Variants in GLRA3 observed in about 807,000 individuals in gnomAD.
The protein encoded by GLRA3 is glycine receptor subunit alpha-3.
Under a neutral mutation model 60.4 loss-of-function variants are expected in GLRA3, and 44 were observed. The ratio of observed to expected loss-of-function variants is 0.73; its 90% CI spans 0.57 to 0.94. The LOEUF (loss-of-function observed/expected upper bound fraction) is 0.94, where lower values mean the gene tolerates loss of function less well. Among genes scored for constraint, GLRA3 ranks in the 40% least tolerant of loss-of-function variants. GLRA3 has a pLI of 0.00. For missense variants in GLRA3, 508 were observed against 564.6 expected (o/e 0.90, Z 1.02); for synonymous variants, 223 against 192.9 (o/e 1.16, Z -1.29).
intron 5 of GLRA3, among the ~76,000 whole-genome samples, chr4:174,706,456 A>C (rs1735525810): frequency 6.6e-6 from 1 of 152,212 alleles, no homozygotes; most frequent in African/African-American, 2.4e-5. Context: ...TAACAACTGA[A>C]AAAGTATACA....
chr4:174,772,859 A>C (rs1172496251), intron 2 of GLRA3, among the ~76,000 whole-genome samples: 1 of 152,130 alleles, frequency 6.6e-6, no homozygotes, highest in Non-Finnish European at 1.5e-5. Context: ...AATGGACCTG[A>C]CCCCGAAGGA....
intron 3 of GLRA3, among the ~76,000 whole-genome samples, chr4:174,740,018 T>A (rs917786432): frequency 2.0e-5 from 3 of 152,208 alleles, no homozygotes; most frequent in Non-Finnish European, 4.4e-5. Context: ...GCTGACTTTG[T>A]GTGGGATAGA....
chr4:174,778,744 G>T, intron 2 of GLRA3, among the ~76,000 whole-genome samples: 1 of 152,222 alleles, frequency 6.6e-6, no homozygotes, highest in East Asian at 1.9e-4. Context: ...ACTCCCACCC[G>T]AATACTGCGC....
chr4:174,779,919 T>A (rs1738793987), intron 2 of GLRA3, among the ~76,000 whole-genome samples: 2 of 151,562 alleles, frequency 1.3e-5, no homozygotes, highest in African/African-American at 4.8e-5. Context: ...ACTTCCCCAA[T>A]CTAGCAAGGC....
intron 7 of GLRA3, among the ~76,000 whole-genome samples, chr4:174,663,811 T>C (rs1733553676): frequency 6.6e-6 from 1 of 152,160 alleles, no homozygotes; most frequent in African/African-American, 2.4e-5. Context: ...TTCAGAGTCA[T>C]TACCTTCTTT....
At chr4:174,697,954 T>A (rs1366010415) in intron 5 of GLRA3, among the ~76,000 whole-genome samples, 1 of 152,158 alleles carries the variant, frequency 6.6e-6, no homozygotes, top group East Asian at 1.9e-4. Context: ...CTTGCCCGAC[T>A]ACCTTTTTGG....
intron 4 of GLRA3, among the ~76,000 whole-genome samples, chr4:174,727,082 A>G (rs926564308): frequency 6.6e-6 from 1 of 152,160 alleles, no homozygotes; most frequent in African/African-American, 2.4e-5. Flanking sequence ...CAATAGAGTG[A>G]TGTCACCCTG....
intron 1 of GLRA3, among the ~76,000 whole-genome samples, chr4:174,790,746 C>T (rs536088617): frequency 1.4e-5 from 2 of 145,978 alleles, no homozygotes; most frequent in African/African-American, 2.6e-5. Flanking sequence ...TTTGGGAGGC[C>T]GAAGCGGGTG....
chr4:174,730,334 A>G (rs1174272001), intron 3 of GLRA3, among the ~76,000 whole-genome samples: 11 of 152,180 alleles, frequency 7.2e-5, no homozygotes, highest in Admixed American at 6.5e-4. Context: ...CAATACCACT[A>G]AAGGAATCAG....
At chr4:174,702,648 A>G (rs1349360342) in intron 5 of GLRA3, among the ~76,000 whole-genome samples, 1 of 152,120 alleles carries the variant, frequency 6.6e-6, no homozygotes, top group Admixed American at 6.5e-5. Flanking sequence ...GCTCACTGCA[A>G]CCTTGAAGTC....
intron 5 of GLRA3, among the ~76,000 whole-genome samples, chr4:174,686,284 A>G (rs1041788174): frequency 6.6e-6 from 1 of 152,232 alleles, no homozygotes; most frequent in African/African-American, 2.4e-5. Flanking sequence ...ACAATTCAAA[A>G]TGTTTTAAGA....
At chr4:174,679,848 C>T (rs775611841) in intron 6 of GLRA3, among the ~76,000 whole-genome samples, 11 of 152,098 alleles carry the variant, frequency 7.2e-5, no homozygotes, top group South Asian at 2.1e-4. Flanking sequence ...ATAGTGGTTT[C>T]GAGAGGCTGA....
chr4:174,742,719 T>C (rs1027920744), intron 3 of GLRA3, among the ~76,000 whole-genome samples: 2 of 152,192 alleles, frequency 1.3e-5, no homozygotes, highest in African/African-American at 2.4e-5. Flanking sequence ...TTTTAAAGCC[T>C]GTTCCCTGGT....
intron 7 of GLRA3, 135 bp from the exon 8 acceptor site, chr4:174,659,332 T>G: frequency 1.5e-6 from 1 of 662,780 alleles, no homozygotes; most frequent in Non-Finnish European, 2.5e-6. Context: ...ATGACAATTT[T>G]TTCTTGAAGT....
intron 7 of GLRA3, among the ~76,000 whole-genome samples, chr4:174,667,981 T>G (rs72998794): frequency 0.087 from 13,192 of 152,006 alleles, 1,679 homozygotes; most frequent in African/African-American, 0.28. Context: ...CATCGTGGGG[T>G]TGGTTTCTAA....
chr4:174,791,687 T>C (rs749524978), intron 1 of GLRA3, among the ~76,000 whole-genome samples: 1 of 152,186 alleles, frequency 6.6e-6, no homozygotes, highest in Non-Finnish European at 1.5e-5. Flanking sequence ...AATTGCAATG[T>C]CTTTGCCTCC....
chr4:174,670,904 AT>A (rs902931776), intron 7 of GLRA3, among the ~76,000 whole-genome samples: 10 of 152,044 alleles, frequency 6.6e-5, no homozygotes, highest in South Asian at 2.1e-4. Context: ...AAAACAGATA[AT>A]TTTTTTTATC....
At chr4:174,819,495 C>G (rs946236180) in intron 1 of GLRA3, among the ~76,000 whole-genome samples, 1 of 152,296 alleles carries the variant, frequency 6.6e-6, no homozygotes, top group Non-Finnish European at 1.5e-5. Flanking sequence ...ATTCCATCCT[C>G]TTTTCTGCCC....
In GLRA3 at chr4:174,820,719, T is replaced by G. The variant is rs1295099170; in HGVS notation, c.71+8022A>C. On this transcript the variant is annotated intron_variant, in intron 1 of 9. Coordinates refer to ENST00000274093, the MANE Select transcript of GLRA3 (RefSeq NM_006529.4). The stretch of plus-strand genomic sequence containing the variant: ...GTCATTTCACTGAGTCTCAAATAAC[T>G]TATCTTCTTCAGGCTTCCACCTAAA... 2.0e-5 allele frequency among the ~76,000 whole-genome samples: 3 copies of G among 152,156 alleles called. No individual in the cohort carries two copies. In the East Asian group the frequency reaches 5.8e-4, roughly 29 times the overall value.
Sources: allele counts gnomAD v4.1 joint callset (sites outside exome capture counted in the v4.1 genomes callset), GRCh38; gene constraint gnomAD v4.1.1; transcripts MANE v1.5; gene names NCBI Gene and HGNC (gene_info 2026-07-23, HGNC 2026-07-21).